Variants in ZFR2 observed in about 807,000 individuals in gnomAD.
The protein encoded by ZFR2 is zinc finger RNA-binding protein 2.
Under a neutral mutation model 105.7 loss-of-function variants are expected in ZFR2, and 104 were observed. That is an observed-to-expected ratio of 0.98 (90% CI 0.84 to 1.16). The LOEUF (loss-of-function observed/expected upper bound fraction) is 1.16, where lower values mean the gene tolerates loss of function less well. Among genes scored for constraint, ZFR2 ranks in the 50% most tolerant of loss-of-function variants. The probability of loss-of-function intolerance (pLI) is 0.00; values close to 1 mark genes in which losing one functional copy is unlikely to be tolerated. For missense variants in ZFR2, 1,425 were observed against 1,355.5 expected (o/e 1.05, Z -0.80); for synonymous variants, 634 against 597.7 (o/e 1.06, Z -0.89).
intron 17 of ZFR2, among the ~76,000 whole-genome samples, 197 bp downstream of exon 17, chr19:3,808,675 C>A (rs149707098): frequency 2.6e-5 from 4 of 152,362 alleles, no homozygotes; most frequent in East Asian, 3.9e-4. Context: ...CTGTGCCCTG[C>A]GTGCAGGGTG....
intron 5 of ZFR2, among the ~76,000 whole-genome samples, chr19:3,830,762 AATT>A (rs77547182): frequency 0.15 from 23,110 of 152,126 alleles, 2,087 homozygotes; most frequent in East Asian, 0.29. Flanking sequence ...TCTAGGGTCT[AATT>A]ATCTTTCCAG....
intron 8 of ZFR2, among the ~76,000 whole-genome samples, chr19:3,822,484 T>C (rs994205376): frequency 5.3e-5 from 8 of 151,592 alleles, no homozygotes; most frequent in Admixed American, 4.6e-4. Context: ...GGCTGGAGGA[T>C]TGCTTGAGCC....
At chr19:3,843,487 T>C (rs1004280869) in intron 1 of ZFR2, among the ~76,000 whole-genome samples, 8 of 137,826 alleles carry the variant, frequency 5.8e-5, no homozygotes, top group Non-Finnish European at 1.1e-4. Flanking sequence ...ATTGGATGAA[T>C]GAACATAACG....
chr19:3,817,387 C>G (rs549591357), intron 12 of ZFR2, among the ~76,000 whole-genome samples: 1 of 151,870 alleles, frequency 6.6e-6, no homozygotes, highest in East Asian at 1.9e-4. Flanking sequence ...GGCGAAAACC[C>G]ATCTCTAATA....
intron 6 of ZFR2, 65 bp from the exon 7 acceptor site, chr19:3,825,472 G>A (rs1173327842): frequency 5.3e-5 from 80 of 1,510,398 alleles, no homozygotes; most frequent in South Asian, 7.7e-5. Context: ...TTTTTCAAGA[G>A]GCAGGAAGGG....
chr19:3,860,225 G>A (rs533606042), intron 1 of ZFR2, among the ~76,000 whole-genome samples: 3 of 149,964 alleles, frequency 2.0e-5, no homozygotes, highest in East Asian at 3.9e-4. Flanking sequence ...TTCAGAGATG[G>A]GGGGGGTCTC....
intron 1 of ZFR2, chr19:3,852,737 T>C (rs1349341589): frequency 1.6e-6 from 1 of 634,560 alleles, no homozygotes; most frequent in East Asian, 2.7e-5. Context: ...AAAACACAGC[T>C]CCTGGGAAGA....
chr19:3,806,273 T>C, intron 18 of ZFR2, 148 bp from the exon 19 acceptor site: 1 of 934,156 alleles, frequency 1.1e-6, no homozygotes. Flanking sequence ...CCCGCCGCTT[T>C]CTTTTTTGAG....
At chr19:3,853,903 C>T (rs958549857) in intron 1 of ZFR2, among the ~76,000 whole-genome samples, 16 of 149,918 alleles carry the variant, frequency 1.1e-4, no homozygotes, top group Non-Finnish European at 2.2e-4. Context: ...GTGAGACCCC[C>T]GCCTCTACAA....
intron 13 of ZFR2, 135 bp from the exon 14 acceptor site, chr19:3,814,093 G>T: frequency 7.5e-7 from 1 of 1,336,346 alleles, no homozygotes; most frequent in South Asian, 1.3e-5. Flanking sequence ...GCCGGGCCCT[G>T]TGCCCTGTGT....
At chr19:3,854,775 G>C (rs1242073727) in intron 1 of ZFR2, among the ~76,000 whole-genome samples, 2 of 151,986 alleles carry the variant, frequency 1.3e-5, no homozygotes, top group Non-Finnish European at 2.9e-5. Flanking sequence ...GAGGTTTTTT[G>C]TTTTAAGAGA....
At position 3,806,054 on chromosome 19, in the gene ZFR2, G is replaced by A; in HGVS notation, c.2715C>T (p.His905=). ...VLGMDLLPPR[H]RLGARFRKRQ... ...TCTTCCGGAAGCGGGCCCCCAGCCG[G>A]TGTCTGGGCGGCAGGAGATCCATGC... Residue 905 remains histidine (H), a synonymous_variant, in exon 19 of 19, where the codon CAC becomes CAT. Coordinates refer to ENST00000262961, the MANE Select transcript of ZFR2 (RefSeq NM_015174.2). 1.3e-6 allele frequency: 2 copies of A among 1,535,336 alleles called. No individual in the cohort carries two copies. Among genetic ancestry groups the A allele is most frequent in the Middle Eastern group, 1.7e-4 (1 of 5,924 alleles).
chr19:3,842,787 C>T (rs772535442), intron 1 of ZFR2, among the ~76,000 whole-genome samples: 3 of 151,968 alleles, frequency 2.0e-5, no homozygotes, highest in Non-Finnish European at 2.9e-5. Context: ...CCAAGCCCAA[C>T]TAATTTTTTG....
intron 1 of ZFR2, among the ~76,000 whole-genome samples, chr19:3,835,338 T>C (rs531823171): frequency 1.2e-4 from 18 of 152,122 alleles, no homozygotes; most frequent in African/African-American, 3.9e-4. Context: ...AACTTTTTTA[T>C]TTTTTGAGAC....
At position 3,831,354 on chromosome 19, in the gene ZFR2, C is replaced by T; in HGVS notation, c.801G>A (p.Gln267=). ...AGATGTCGCAGTAGTGAAGCTGGAG[C>T]TGCCTGGGCCCCGCCTTGGGTCTCG... ...KLPRPKAGPR[Q]LQLHYCDICK... Residue 267 remains glutamine, a synonymous_variant, in exon 5 of 19, where the codon CAG becomes CAA. Coordinates refer to ENST00000262961, the MANE Select transcript of ZFR2 (RefSeq NM_015174.2). 6.4e-7 allele frequency: 1 copy of T among 1,556,998 alleles called. No individual in the cohort carries two copies. The highest frequency in any genetic ancestry group is 2.4e-5 in the East Asian group (1 of 41,738).
intron 12 of ZFR2, among the ~76,000 whole-genome samples, chr19:3,817,071 G>A (rs2037833251): frequency 6.6e-6 from 1 of 152,206 alleles, no homozygotes; most frequent in Non-Finnish European, 1.5e-5. Context: ...ATGCCTCGGA[G>A]TAGCCGGGAC....
Position 3,821,451 on chromosome 19 carries a change from G to A in ZFR2, c.1520C>T (p.Ala507Val), listed in dbSNP as rs752853249. 1.9e-6 allele frequency: 3 copies of A among 1,608,316 alleles called. No homozygotes were observed. The highest frequency in any genetic ancestry group is 2.2e-5 in the South Asian group (2 of 90,844). ...CCGAGCCCGGCTGCTGGGCTCCGTG[G>A]CAATGGGAAGGTCCGGGTTCACTTT... ...RKKVNPDLPIATEPSSRARKV... is the reference protein window; with the variant it reads ...RKKVNPDLPIVTEPSSRARKV... Residue 507 changes from alanine to valine, a missense_variant, in exon 10 of 19, where the codon GCC becomes GTC. Coordinates refer to ENST00000262961, the MANE Select transcript of ZFR2 (RefSeq NM_015174.2).
chr19:3,829,997 T>C (rs2037993368), intron 5 of ZFR2, among the ~76,000 whole-genome samples: 1 of 152,134 alleles, frequency 6.6e-6, no homozygotes. Context: ...AAGGCAGATA[T>C]AAGGATTAAA....
chr19:3,834,644 A>G lies in ZFR2; in HGVS notation c.264+129T>C. On this transcript the variant is annotated intron_variant, in intron 2 of 18. Coordinates refer to ENST00000262961, the MANE Select transcript of ZFR2 (RefSeq NM_015174.2). The surrounding 1 kb of genome is among the most constrained non-coding windows in gnomAD (Gnocchi z 5.3). ...ACCACGGGTACGCAATGCCAGCAGAAGGGTCCCGAAGGAAGGATCACGGTT... is the reference window on the plus strand; with the variant it reads ...ACCACGGGTACGCAATGCCAGCAGAGGGGTCCCGAAGGAAGGATCACGGTT... 1.0e-6 allele frequency: 1 copy of G among 1,001,510 alleles called. No homozygotes were observed. Among genetic ancestry groups the G allele is most frequent in the Non-Finnish European group, 1.5e-6 (1 of 670,112 alleles). 62.0% of individuals were successfully genotyped at this position (1,001,510 alleles called of 1,614,324 possible).
Sources: allele counts gnomAD v4.1 joint callset (sites outside exome capture counted in the v4.1 genomes callset), GRCh38; gene constraint gnomAD v4.1.1; non-coding constraint Gnocchi (gnomAD v3.1); transcripts MANE v1.5; gene names NCBI Gene and HGNC (gene_info 2026-07-23, HGNC 2026-07-21).